SLC23A2: variants seen among roughly 807,000 people sequenced by gnomAD.
SLC23A2 encodes the protein Na(+)/L-ascorbic acid transporter 2.
A neutral mutation model predicts 73.3 loss-of-function variants in SLC23A2; 36 were observed. The observed-to-expected ratio is 0.49, with a 90% confidence interval of 0.38 to 0.65. SLC23A2 has a LOEUF of 0.65. SLC23A2 is among the 30% of genes least tolerant of loss of function. SLC23A2 has a pLI of 0.00. For missense variants in SLC23A2, 507 were observed against 841.6 expected (o/e 0.60, Z 4.92); for synonymous variants, 343 against 327.3 (o/e 1.05, Z -0.52).
intron 13 of SLC23A2, among the ~76,000 whole-genome samples, chr20:4,865,408 A>T (rs1213498104): frequency 1.3e-5 from 2 of 152,220 alleles, no homozygotes; most frequent in Non-Finnish European, 2.9e-5. Flanking sequence ...TCATTCCTTC[A>T]TGCAATATAG....
In SLC23A2 at chr20:4,883,304, T is replaced by C. The variant is rs1215674069; in HGVS notation, c.824+338A>G. Among the ~76,000 whole-genome samples the C allele has an allele frequency of 6.6e-6, 1 of 152,110 alleles. No individual in the cohort carries two copies. The highest frequency in any genetic ancestry group is 2.4e-5 in the African/African-American group (1 of 41,418). Reference sequence around the variant, plus strand: ...TTTTTGAGTCTCATGATATAAAAATTTGGCTTCTCAGTATGTCAACTCATG... The same window carrying C: ...TTTTTGAGTCTCATGATATAAAAATCTGGCTTCTCAGTATGTCAACTCATG... On this transcript the variant is annotated intron_variant, in intron 9 of 16. Transcript: ENST00000338244. This position sits in a 1 kb window ranked among gnomAD's most constrained non-coding sequence, Gnocchi z 4.5.
intron 1 of SLC23A2, among the ~76,000 whole-genome samples, chr20:4,972,072 C>T (rs997337453): frequency 6.6e-6 from 1 of 152,238 alleles, no homozygotes; most frequent in East Asian, 1.9e-4. Flanking sequence ...TGCATATGTT[C>T]CACAATAAAG....
In SLC23A2 at chr20:4,873,919, G is replaced by A; in HGVS notation, c.1102+17C>T. 6.2e-7 allele frequency: 1 copy of A among 1,607,682 alleles called. No homozygotes were observed. The highest frequency in any genetic ancestry group is 8.5e-7 in the Non-Finnish European group (1 of 1,176,842). On this transcript the variant is annotated intron_variant, in intron 11 of 16. Transcript: ENST00000338244. ...CCCTCGTGGGCTCTTGACCCCTCTA[G>A]CCATCAGAATACTTACATGGGTATG...
chr20:4,993,865 G>C (rs1215484095), intron 1 of SLC23A2, among the ~76,000 whole-genome samples: 1 of 152,050 alleles, frequency 6.6e-6, no homozygotes, highest in Non-Finnish European at 1.5e-5. Flanking sequence ...AAGAGTTCGA[G>C]ACCATCCTGA....
In SLC23A2 at chr20:4,899,439, C is replaced by T. The variant is rs1160332958; in HGVS notation, c.482+116G>A. The T allele has an allele frequency of 3.2e-5, 38 of 1,195,158 alleles. No homozygotes were observed. The highest frequency in any genetic ancestry group is 4.3e-5 in the Non-Finnish European group (35 of 820,884). 74.0% of individuals were successfully genotyped at this position (1,195,158 alleles called of 1,614,324 possible). A position where few individuals can be genotyped will look rare whatever the true frequency, so the allele number is the denominator to read the frequency against. ...GGGGACCAACGGCCACTAGGACATT[C>T]CCGTGCCTCCATTCTGTCCTTGCCA... On this transcript the variant is annotated intron_variant, in intron 6 of 16. Transcript: ENST00000338244. The surrounding 1 kb of genome is among the most constrained non-coding windows in gnomAD (Gnocchi z 4.9).
intron 5 of SLC23A2, among the ~76,000 whole-genome samples, chr20:4,900,174 A>G (rs1390098307): frequency 1.3e-5 from 2 of 152,176 alleles, no homozygotes; most frequent in Non-Finnish European, 2.9e-5. Flanking sequence ...GCCCAGCTGC[A>G]TTTCTCCTTT....
chr20:4,937,840 T>C (rs1179182496), intron 2 of SLC23A2, among the ~76,000 whole-genome samples: 1 of 152,068 alleles, frequency 6.6e-6, no homozygotes, highest in East Asian at 1.9e-4. Flanking sequence ...CTCCTTGTGA[T>C]TTTTGAGGGG....
At chr20:4,980,489 ATAGT>A (rs1469961462) in intron 1 of SLC23A2, among the ~76,000 whole-genome samples, 1 of 152,152 alleles carries the variant, frequency 6.6e-6, no homozygotes, top group East Asian at 1.9e-4. Flanking sequence ...TTTGAAAAAA[ATAGT>A]TATATATATT....
chr20:4,901,571 A>G (rs190104332), intron 5 of SLC23A2, among the ~76,000 whole-genome samples: 1 of 152,252 alleles, frequency 6.6e-6, no homozygotes, highest in East Asian at 1.9e-4. Flanking sequence ...AGTATCAAAG[A>G]CGCCGGAGGC....
At chr20:4,949,287 CAAAAAAAAAA>C (rs570455717) in intron 2 of SLC23A2, among the ~76,000 whole-genome samples, 1,017 of 57,976 alleles carry the variant, frequency 0.018, 14 homozygotes, top group South Asian at 0.025. Flanking sequence ...GACTCCATCT[CAAAAAAAAAA>C]AAAAAAAAGG....
At chr20:5,007,307 GA>G (rs1244675436) in intron 1 of SLC23A2, among the ~76,000 whole-genome samples, 1 of 152,138 alleles carries the variant, frequency 6.6e-6, no homozygotes, top group Admixed American at 6.5e-5. Context: ...GACACAGGTG[GA>G]CCACTTGAGG....
rs1303897953 is a variant in SLC23A2, at chr20:4,883,607, G to A, written c.824+35C>T. On this transcript the variant is annotated intron_variant, in intron 9 of 16. Transcript: ENST00000338244. The surrounding 1 kb of genome is among the most constrained non-coding windows in gnomAD (Gnocchi z 4.5). The stretch of plus-strand genomic sequence containing the variant: ...TGTGAATGTTCCTAAAGGCTGCCCC[G>A]CAGTGGTGGGATGAGGGGAGATGTT... 22 of 1,479,618 alleles carry A rather than the reference G, an allele frequency of 1.5e-5. No homozygotes were observed. The highest frequency in any genetic ancestry group is 2.8e-5 in the African/African-American group (2 of 71,464). 91.7% of individuals were successfully genotyped at this position (1,479,618 alleles called of 1,614,324 possible).
intron 2 of SLC23A2, among the ~76,000 whole-genome samples, chr20:4,956,800 C>CTT (rs759658782): frequency 5.7e-4 from 64 of 111,916 alleles, no homozygotes; most frequent in African/African-American, 6.9e-4. Context: ...CTTCCCTCTT[C>CTT]TTTTTTTTTT....
At chr20:4,874,831 C>T in intron 9 of SLC23A2, 135 bp from the exon 10 acceptor site, 1 of 624,764 alleles carries the variant, frequency 1.6e-6, no homozygotes. Flanking sequence ...CTCTGAACTA[C>T]CATTTGAGAA....
At chr20:4,973,622 A>C (rs893677553) in intron 1 of SLC23A2, among the ~76,000 whole-genome samples, 1 of 152,252 alleles carries the variant, frequency 6.6e-6, no homozygotes, top group African/African-American at 2.4e-5. Context: ...CTGAGCTATC[A>C]GTAAGCAACC....
rs1384849165 is a variant in SLC23A2 at position 4,902,529 on chromosome 20, A to C, written c.237T>G (p.Thr79=). 1.2e-6 allele frequency: 2 copies of C among 1,611,834 alleles called. No individual in the cohort carries two copies. Among genetic ancestry groups the C allele is most frequent in the South Asian group, 2.2e-5 (2 of 90,864 alleles). The part of the protein sequence containing the change: ...KSSLAETLDS[T]GSLDPQRSDM... ...CTGATCGCTGGGGGTCCAGACTGCCAGTGCTATCCAGGGTCTCAGCGAGAG... is the reference window on the plus strand; with the variant it reads ...CTGATCGCTGGGGGTCCAGACTGCCCGTGCTATCCAGGGTCTCAGCGAGAG... Residue 79 remains threonine, a synonymous_variant, in exon 5 of 17, where the codon ACT becomes ACG. Transcript: ENST00000338244. The surrounding 1 kb of genome is among the most constrained non-coding windows in gnomAD (Gnocchi z 4.0).
chr20:5,010,051 C>G (rs1257543253), intron 1 of SLC23A2: 1 of 147,992 alleles, frequency 6.8e-6, no homozygotes, highest in East Asian at 2.0e-4. Flanking sequence ...GCCAAGATCA[C>G]GCCACTGCAC....
At chr20:4,889,397 C>T (rs548051151) in intron 6 of SLC23A2, among the ~76,000 whole-genome samples, 16 of 151,954 alleles carry the variant, frequency 1.1e-4, no homozygotes, top group Middle Eastern at 3.4e-3. Flanking sequence ...AAATGCCCCG[C>T]ATTCTTCCTG....
chr20:4,914,775 T>C (rs1013624271), intron 3 of SLC23A2, among the ~76,000 whole-genome samples: 2 of 152,192 alleles, frequency 1.3e-5, no homozygotes, highest in African/African-American at 4.8e-5. Flanking sequence ...ACACGGTGGC[T>C]CAGGACTGTA....
Sources: allele counts gnomAD v4.1 joint callset (sites outside exome capture counted in the v4.1 genomes callset), GRCh38; gene constraint gnomAD v4.1.1; non-coding constraint Gnocchi (gnomAD v3.1); transcripts MANE v1.5; gene names NCBI Gene and HGNC (gene_info 2026-07-23, HGNC 2026-07-21).